ZBBX: variants seen among roughly 807,000 people sequenced by gnomAD.
ZBBX encodes zinc finger B-box domain containing, also known as zinc finger B-box domain-containing protein 1.
A neutral mutation model predicts 108.5 loss-of-function variants in ZBBX; 101 were observed. The ratio of observed to expected loss-of-function variants is 0.93; its 90% CI spans 0.79 to 1.10. The LOEUF (loss-of-function observed/expected upper bound fraction) is 1.10. ZBBX is among the 50% of genes least tolerant of loss of function. ZBBX has a pLI of 0.00. For synonymous variants in ZBBX, 356 were observed against 323.4 expected, an observed-to-expected ratio of 1.10 and a Z score of -1.08; for missense variants, 1,009 against 941.4, an observed-to-expected ratio of 1.07 and a Z score of -0.94.
chr3:167,354,770 T>C (rs1484411715), intron 8 of ZBBX, among the ~76,000 whole-genome samples: 1 of 151,950 alleles, frequency 6.6e-6, no homozygotes, highest in Non-Finnish European at 1.5e-5. Context: ...TACACTATAA[T>C]GCAGAAAACT....
chr3:167,183,622 T>TA, the ZBBX span, among the ~76,000 whole-genome samples: 10 of 152,218 alleles, frequency 6.6e-5, no homozygotes, highest in African/African-American at 2.4e-4. Flanking sequence ...GATTATAATT[T>TA]AACTAAAATG....
Position 167,331,530 on chromosome 3 carries a change from G to A in ZBBX, c.687+2297C>T, listed in dbSNP as rs115063628. On this transcript the variant is annotated intron_variant, in intron 10 of 21. Coordinates refer to ENST00000675490, the MANE Select transcript of ZBBX (RefSeq NM_001199201.2). Reference sequence around the variant, plus strand: ...TCCAAGCAATGAATCAGAGATGTCAGACATTTTCATATTGGAGTTATGCCA... The same window carrying A: ...TCCAAGCAATGAATCAGAGATGTCAAACATTTTCATATTGGAGTTATGCCA... 2,606 of 981,506 alleles carry A rather than the reference G, an allele frequency of 2.7e-3. 57 individuals are homozygous for A. In the African/African-American group the frequency reaches 0.043, roughly 16 times the overall value. The allele number at this position is 981,506 out of a possible 1,614,324, so 60.8% of individuals were successfully genotyped here.
Position 167,288,844 on chromosome 3 carries a change from T to G in ZBBX, c.1996+23A>C, listed in dbSNP as rs1730167655. 2.7e-6 allele frequency: 4 copies of G among 1,494,552 alleles called. No homozygotes were observed. In the African/African-American group the frequency reaches 4.2e-5, roughly 16 times the overall value. 92.6% of individuals were successfully genotyped at this position (1,494,552 alleles called of 1,614,324 possible). A position where few individuals can be genotyped will look rare whatever the true frequency, so the allele number is the denominator to read the frequency against. ...AGGAAGTAAGCTGCCAACATGGCAC[T>G]GCTGCCTTTGAGTCAATGTTACCCA... On this transcript the variant is annotated intron_variant, in intron 19 of 21. Transcript: ENST00000675490.
intron 17 of ZBBX, among the ~76,000 whole-genome samples, chr3:167,300,609 C>CTTTTT (rs59816017): frequency 7.1e-6 from 1 of 141,798 alleles, no homozygotes; most frequent in Non-Finnish European, 1.5e-5. Flanking sequence ...CCCACCAACC[C>CTTTTT]TTTTTTTTTT....
intron 16 of ZBBX, among the ~76,000 whole-genome samples, chr3:167,307,685 A>G (rs1351000662): frequency 6.6e-6 from 1 of 152,186 alleles, no homozygotes; most frequent in Non-Finnish European, 1.5e-5. Context: ...CTGACCTTCA[A>G]CAAACCTGAC....
intron 20 of ZBBX, among the ~76,000 whole-genome samples, chr3:167,267,845 T>C (rs138642036): frequency 6.6e-6 from 1 of 152,236 alleles, no homozygotes; most frequent in Non-Finnish European, 1.5e-5. Flanking sequence ...CTCCAGCGCA[T>C]GGGATCCCCT....
chr3:167,323,780 C>T (rs1017118497), intron 11 of ZBBX, among the ~76,000 whole-genome samples: 9 of 151,946 alleles, frequency 5.9e-5, no homozygotes, highest in African/African-American at 1.2e-4. Context: ...ATGTGAAGAA[C>T]GGGTAGAAGT....
Position 167,305,689 on chromosome 3 carries a change from T to C in ZBBX, c.1679A>G (p.Tyr560Cys), listed in dbSNP as rs897501896. ...IKESLELSNL[Y>C]KRPSFEESKT... ...TGATTCTTCAAAGCTTGGCCTCTTA[T>C]ACAGATTGCTCAATTCCAAGGATTC... Residue 560 changes from tyrosine (Y) to cysteine (C), a missense_variant, in exon 17 of 22, where the codon TAT (tyrosine) becomes TGT (cysteine). Transcript: ENST00000675490. The C allele has an allele frequency of 1.2e-6, 2 of 1,607,946 alleles. No individual in the cohort carries two copies. Among genetic ancestry groups the C allele is most frequent in the Admixed American group, 1.7e-5 (1 of 59,274 alleles).
chr3:167,315,705 G>A, intron 15 of ZBBX, 45 bp downstream of exon 15: 1 of 1,340,362 alleles, frequency 7.5e-7, no homozygotes, highest in Non-Finnish European at 1.1e-6. Flanking sequence ...GTGTGTGTCA[G>A]GAGGGGGCTC....
chr3:167,207,225 G>T, the ZBBX span, among the ~76,000 whole-genome samples: 1 of 152,146 alleles, frequency 6.6e-6, no homozygotes, highest in Non-Finnish European at 1.5e-5. Context: ...GTCTGATAAG[G>T]TTCTAATATC....
chr3:167,273,781 A>G (rs899550428), intron 20 of ZBBX, among the ~76,000 whole-genome samples: 1 of 152,170 alleles, frequency 6.6e-6, no homozygotes. Flanking sequence ...ACAAAATAAA[A>G]GAAGCCCCTT....
intron 1 of ZBBX, among the ~76,000 whole-genome samples, chr3:167,396,299 G>A (rs1436895259): frequency 6.6e-6 from 1 of 151,960 alleles, no homozygotes; most frequent in African/African-American, 2.4e-5. Context: ...AATGACAATG[G>A]AAATCTCTTT....
chr3:167,347,985 T>A (rs1741779569), intron 9 of ZBBX, among the ~76,000 whole-genome samples: 1 of 152,012 alleles, frequency 6.6e-6, no homozygotes, highest in African/African-American at 2.4e-5. Context: ...TTTGTGTACA[T>A]ATTATGTAAT....
the ZBBX span, among the ~76,000 whole-genome samples, chr3:167,203,993 G>T: frequency 6.6e-6 from 1 of 151,962 alleles, no homozygotes; most frequent in Non-Finnish European, 1.5e-5. Flanking sequence ...TATGTCAAAA[G>T]ATAAGACACT....
At chr3:167,272,816 A>G (rs1212814958) in intron 20 of ZBBX, among the ~76,000 whole-genome samples, 1 of 152,196 alleles carries the variant, frequency 6.6e-6, no homozygotes, top group African/African-American at 2.4e-5. Context: ...CAAGTCTGTC[A>G]TAGCTGGAAT....
chr3:167,402,291 A>C (rs985808801), intron 1 of ZBBX, among the ~76,000 whole-genome samples: 6 of 152,182 alleles, frequency 3.9e-5, no homozygotes, highest in African/African-American at 1.4e-4. Flanking sequence ...ATTGCAAGGA[A>C]TCCCAAATAA....
At chr3:167,340,613 A>G (rs940507706) in intron 9 of ZBBX, among the ~76,000 whole-genome samples, 2 of 152,014 alleles carry the variant, frequency 1.3e-5, no homozygotes, top group Admixed American at 6.6e-5. Context: ...AGGCTTTATC[A>G]TAGTCAAGTC....
chr3:167,404,421 C>T (rs1748519191), intron 1 of ZBBX, among the ~76,000 whole-genome samples: 2 of 152,020 alleles, frequency 1.3e-5, no homozygotes, highest in African/African-American at 2.4e-5. Context: ...TCCCATTGCT[C>T]GCCACACAGA....
At chr3:167,391,733 G>C (rs1213062701) in intron 1 of ZBBX, among the ~76,000 whole-genome samples, 2 of 151,574 alleles carry the variant, frequency 1.3e-5, no homozygotes, top group East Asian at 3.9e-4. Flanking sequence ...AATTTATTCA[G>C]ATATATATAC....
Sources: gnomAD v4.1 joint callset for allele counts (sites outside exome capture counted in the v4.1 genomes callset) on GRCh38, gnomAD v4.1.1 for gene constraint, MANE v1.5 for transcripts, NCBI Gene and HGNC (gene_info 2026-07-23, HGNC 2026-07-21) for gene names.